Variants in DLG2 observed in about 807,000 individuals in gnomAD.
The protein encoded by DLG2 is discs large MAGUK scaffold protein 2, also known as disks large homolog 2.
Under a neutral mutation model 132.5 loss-of-function variants are expected in DLG2, and 45 were observed. That is an observed-to-expected ratio of 0.34 (90% CI 0.27 to 0.44). The LOEUF (loss-of-function observed/expected upper bound fraction) is 0.44. DLG2 is among the 20% of genes least tolerant of loss of function. DLG2 has a pLI of 1.00. For missense variants in DLG2, 1,045 were observed against 1,196.9 expected (o/e 0.87, Z 1.87); for synonymous variants, 424 against 419.6 (o/e 1.01, Z -0.13).
intron 6 of DLG2, among the ~76,000 whole-genome samples, chr11:84,641,098 G>C (rs1259541563): frequency 3.3e-5 from 5 of 152,116 alleles, no homozygotes; most frequent in Non-Finnish European, 2.9e-5. Context: ...CACAGTCCAT[G>C]GTCTCTTTTC....
intron 6 of DLG2, among the ~76,000 whole-genome samples, chr11:84,962,486 A>G (rs1342468782): frequency 2.0e-5 from 3 of 152,214 alleles, no homozygotes; most frequent in Admixed American, 2.0e-4. Flanking sequence ...TATCAAATTT[A>G]TATATTTACT....
intron 9 of DLG2, among the ~76,000 whole-genome samples, chr11:84,129,641 C>T (rs1393279006): frequency 1.3e-5 from 2 of 151,832 alleles, no homozygotes; most frequent in African/African-American, 4.8e-5. Flanking sequence ...AAATTATGCA[C>T]CACTAAATTC....
At chr11:84,802,704 A>T (rs994300829) in intron 6 of DLG2, among the ~76,000 whole-genome samples, 2 of 151,962 alleles carry the variant, frequency 1.3e-5, no homozygotes, top group African/African-American at 4.8e-5. Flanking sequence ...GCACTGAAAA[A>T]AGGCCAGAGA....
intron 16 of DLG2, among the ~76,000 whole-genome samples, chr11:83,871,934 A>G (rs1331966980): frequency 6.6e-6 from 1 of 152,166 alleles, no homozygotes; most frequent in African/African-American, 2.4e-5. Flanking sequence ...GTACTTATTG[A>G]CGGTCCAATA....
chr11:84,449,211 T>G (rs759499568), intron 7 of DLG2, among the ~76,000 whole-genome samples: 2 of 151,938 alleles, frequency 1.3e-5, no homozygotes, highest in South Asian at 4.1e-4. Context: ...TTTTGCAAAA[T>G]ACAATAAATA....
intron 8 of DLG2, among the ~76,000 whole-genome samples, chr11:84,203,157 T>A (rs1264676364): frequency 6.6e-6 from 1 of 152,174 alleles, no homozygotes; most frequent in Non-Finnish European, 1.5e-5. Flanking sequence ...TAAAATCACA[T>A]GCACATGTAT....
At chr11:83,717,792 T>C (rs926775943) in intron 18 of DLG2, among the ~76,000 whole-genome samples, 8 of 152,290 alleles carry the variant, frequency 5.3e-5, no homozygotes, top group African/African-American at 1.7e-4. Flanking sequence ...GGAGGCACTG[T>C]CTGCTGACAC....
intron 19 of DLG2, among the ~76,000 whole-genome samples, chr11:83,618,786 A>G (rs2153427690): frequency 6.6e-6 from 1 of 152,284 alleles, no homozygotes; most frequent in East Asian, 1.9e-4. Flanking sequence ...GATAACAACA[A>G]CAACAAAAAT....
intron 18 of DLG2, among the ~76,000 whole-genome samples, chr11:83,707,874 G>C (rs1592827582): frequency 6.6e-6 from 1 of 152,138 alleles, no homozygotes; most frequent in Non-Finnish European, 1.5e-5. Context: ...TTTCCAGAAG[G>C]CAGAATGCAT....
At chr11:85,123,581 G>C (rs1052333441) in intron 5 of DLG2, among the ~76,000 whole-genome samples, 2 of 152,212 alleles carry the variant, frequency 1.3e-5, no homozygotes, top group African/African-American at 4.8e-5. Context: ...GCACAGAGCA[G>C]AGTAGGAGAA....
intron 14 of DLG2, among the ~76,000 whole-genome samples, chr11:83,940,009 TG>T (rs1220407784): frequency 2.0e-5 from 3 of 152,230 alleles, no homozygotes; most frequent in Non-Finnish European, 2.9e-5. Flanking sequence ...CATTTCCCTC[TG>T]TTTCATGCAG....
intron 16 of DLG2, among the ~76,000 whole-genome samples, chr11:83,852,187 G>T (rs2059897065): frequency 6.6e-6 from 1 of 152,200 alleles, no homozygotes; most frequent in Non-Finnish European, 1.5e-5. Context: ...CTCAGTTTGA[G>T]TAGCTTGTTA....
At chr11:85,536,374 T>G (rs1009644669) in intron 3 of DLG2, among the ~76,000 whole-genome samples, 1 of 152,194 alleles carries the variant, frequency 6.6e-6, no homozygotes, top group Non-Finnish European at 1.5e-5. Flanking sequence ...CTTTCTAAAC[T>G]TATTCTCCTG....
At chr11:83,868,769 A>G (rs528334108) in intron 16 of DLG2, among the ~76,000 whole-genome samples, 1 of 152,254 alleles carries the variant, frequency 6.6e-6, no homozygotes, top group African/African-American at 2.4e-5. Flanking sequence ...TCCATAATTC[A>G]GTATATTTAT....
At chr11:84,222,036 T>C (rs947370274) in intron 8 of DLG2, among the ~76,000 whole-genome samples, 3 of 152,148 alleles carry the variant, frequency 2.0e-5, no homozygotes, top group Non-Finnish European at 4.4e-5. Context: ...AGTTCTATTT[T>C]TTTTATTTTT....
At chr11:85,088,725 T>C (rs2068314682) in intron 6 of DLG2, among the ~76,000 whole-genome samples, 1 of 152,204 alleles carries the variant, frequency 6.6e-6, no homozygotes. Flanking sequence ...ATGCTTAATA[T>C]ACCCCTTTAA....
At chr11:85,551,901 G>A (rs1335616595) in intron 3 of DLG2, among the ~76,000 whole-genome samples, 1 of 151,816 alleles carries the variant, frequency 6.6e-6, no homozygotes, top group Admixed American at 6.6e-5. Context: ...AAAAATGGAG[G>A]TAACTCAAGT....
At chr11:84,101,244 G>A (rs2092493867) in intron 9 of DLG2, among the ~76,000 whole-genome samples, 1 of 152,014 alleles carries the variant, frequency 6.6e-6, no homozygotes, top group Admixed American at 6.6e-5. Flanking sequence ...TTGACATAGA[G>A]GGAAGAACTT....
chr11:83,953,784 C>G (rs1338737532), intron 14 of DLG2, among the ~76,000 whole-genome samples: 1 of 152,126 alleles, frequency 6.6e-6, no homozygotes, highest in Non-Finnish European at 1.5e-5. Flanking sequence ...CAGTGTCATA[C>G]AGATTATGGC....
Sources: allele counts gnomAD v4.1 joint callset (sites outside exome capture counted in the v4.1 genomes callset), GRCh38; gene constraint gnomAD v4.1.1; transcripts MANE v1.5; gene names NCBI Gene and HGNC (gene_info 2026-07-23, HGNC 2026-07-21).